Variants in RABGEF1 observed in about 807,000 individuals in gnomAD.
RABGEF1 encodes RAB guanine nucleotide exchange factor 1, also known as rab5 GDP/GTP exchange factor.
In RABGEF1, 26 loss-of-function variants were observed where a neutral mutation model predicts 57.3. That is an observed-to-expected ratio of 0.45 (90% CI 0.33 to 0.63). The LOEUF (loss-of-function observed/expected upper bound fraction) is 0.63, where lower values mean the gene tolerates loss of function less well. Ranked by LOEUF, RABGEF1 falls within the 20% of genes least tolerant of loss-of-function variation. The pLI, the probability that RABGEF1 is intolerant of heterozygous loss-of-function variation, is 0.02. For synonymous variants in RABGEF1, 185 were observed against 210.7 expected (o/e 0.88, Z 1.06); for missense variants, 464 against 607.6 (o/e 0.76, Z 2.48).
At chr7:66,803,063 T>A in intron 7 of RABGEF1, among the ~76,000 whole-genome samples, 1 of 152,108 alleles carries the variant, frequency 6.6e-6, no homozygotes. Flanking sequence ...AAGTTCCATA[T>A]AAGTAGAAAA....
At chr7:66,687,549 T>A (rs1001978117) in intron 1 of RABGEF1, among the ~76,000 whole-genome samples, 3 of 151,162 alleles carry the variant, frequency 2.0e-5, no homozygotes, top group African/African-American at 7.3e-5. Context: ...AGTGGTGGCA[T>A]GTTCCTGCAG....
the RABGEF1 span, among the ~76,000 whole-genome samples, chr7:66,655,328 G>A: frequency 6.6e-6 from 1 of 152,158 alleles, no homozygotes; most frequent in Non-Finnish European, 1.5e-5. Flanking sequence ...CTGCCGCTTT[G>A]GAGGCTAGGT....
upstream of RABGEF1, among the ~76,000 whole-genome samples, chr7:66,679,430 T>C (rs1367345129): frequency 6.6e-6 from 1 of 152,164 alleles, no homozygotes; most frequent in Non-Finnish European, 1.5e-5. Flanking sequence ...CACTTTGGCC[T>C]CCAGAGTAGC....
intron 2 of RABGEF1, among the ~76,000 whole-genome samples, chr7:66,734,160 C>T (rs1040529465): frequency 2.6e-5 from 4 of 152,164 alleles, no homozygotes; most frequent in Non-Finnish European, 4.4e-5. Flanking sequence ...GAAGATTAGA[C>T]GCATTGTCAG....
At chr7:66,770,502 T>G (rs1462680366) in intron 1 of RABGEF1, 1 of 152,242 alleles carries the variant, frequency 6.6e-6, no homozygotes, top group Non-Finnish European at 1.5e-5. Context: ...CTCTTCTCTC[T>G]AGACAAGGCC....
rs115975077 is a variant in RABGEF1 at position 66,808,834 on chromosome 7, C to T, written c.1078-52C>T. 3.5e-4 allele frequency: 509 copies of T among 1,441,226 alleles called. 1 individual carries two copies. The African/African-American group carries it at 4.9e-3, about 14-fold the overall frequency. 89.3% of individuals were successfully genotyped at this position (1,441,226 alleles called of 1,614,324 possible). ...ATCAAAAGATTTTTACAAATCGACT[C>T]GAGTATGCATAGCTTTCCTAATATG... On this transcript the variant is annotated intron_variant, in intron 8 of 8. Coordinates refer to ENST00000284957, the MANE Select transcript of RABGEF1 (RefSeq NM_014504.3).
chr7:66,656,179 C>T, the RABGEF1 span, among the ~76,000 whole-genome samples: 8 of 152,120 alleles, frequency 5.3e-5, no homozygotes, highest in South Asian at 4.1e-4. Context: ...TACAGTGACA[C>T]GATCACGAGT....
chr7:66,733,233 A>G (rs1797544562), intron 2 of RABGEF1, among the ~76,000 whole-genome samples: 1 of 151,954 alleles, frequency 6.6e-6, no homozygotes, highest in Non-Finnish European at 1.5e-5. Context: ...AAACATCCCC[A>G]TCTCCATGAA....
At chr7:66,754,092 TC>T (rs1302309073) in intron 1 of RABGEF1, among the ~76,000 whole-genome samples, 1 of 149,718 alleles carries the variant, frequency 6.7e-6, no homozygotes, top group African/African-American at 2.4e-5. Context: ...AACGGCTGCT[TC>T]CTGGGTTCAA....
chr7:66,658,123 G>C, the RABGEF1 span, among the ~76,000 whole-genome samples: 1 of 152,196 alleles, frequency 6.6e-6, no homozygotes, highest in East Asian at 1.9e-4. Flanking sequence ...AACAATTAAG[G>C]TTATCGTAAG....
chr7:66,661,814 C>A, the RABGEF1 span, among the ~76,000 whole-genome samples: 1 of 152,338 alleles, frequency 6.6e-6, no homozygotes, highest in South Asian at 2.1e-4. Context: ...AAAGGCACTA[C>A]ATGAAAACAA....
chr7:66,765,209 T>C (rs1004520883), intron 1 of RABGEF1, among the ~76,000 whole-genome samples: 2 of 151,068 alleles, frequency 1.3e-5, no homozygotes, highest in African/African-American at 4.9e-5. Context: ...TTCAGAAATA[T>C]TACATAGTTT....
chr7:66,769,701 C>T (rs1382652070), intron 1 of RABGEF1, among the ~76,000 whole-genome samples: 1 of 152,176 alleles, frequency 6.6e-6, no homozygotes, highest in Non-Finnish European at 1.5e-5. Context: ...CTCTACATCT[C>T]AAGTTTTATG....
intron 7 of RABGEF1, among the ~76,000 whole-genome samples, chr7:66,803,112 C>T (rs1787662310): frequency 6.6e-6 from 1 of 151,960 alleles, no homozygotes; most frequent in South Asian, 2.1e-4. Context: ...AATTATAACC[C>T]AGGATTAAAG....
At chr7:66,755,225 C>T (rs923518584) in intron 1 of RABGEF1, among the ~76,000 whole-genome samples, 14 of 152,036 alleles carry the variant, frequency 9.2e-5, no homozygotes, top group African/African-American at 3.1e-4. Flanking sequence ...ACTTGGGAGG[C>T]GGAGCTTGCA....
chr7:66,784,246 T>G (rs1810630195), intron 4 of RABGEF1, among the ~76,000 whole-genome samples: 1 of 152,368 alleles, frequency 6.6e-6, no homozygotes, highest in African/African-American at 2.4e-5. Flanking sequence ...ATTTTGATTT[T>G]GAATTTTTTC....
intron 1 of RABGEF1, among the ~76,000 whole-genome samples, chr7:66,708,278 T>G (rs1022983859): frequency 4.6e-5 from 7 of 151,968 alleles, no homozygotes; most frequent in Admixed American, 3.9e-4. Context: ...AGTTTGGGTT[T>G]TTTTTTTTTC....
At chr7:66,695,169 G>A (rs1259744026) in intron 1 of RABGEF1, among the ~76,000 whole-genome samples, 2 of 152,070 alleles carry the variant, frequency 1.3e-5, no homozygotes, top group East Asian at 3.9e-4. Context: ...AAGATAAGCC[G>A]GGCACGGTGG....
intron 1 of RABGEF1, among the ~76,000 whole-genome samples, chr7:66,705,059 A>C (rs534109053): frequency 5.9e-4 from 89 of 152,118 alleles, no homozygotes; most frequent in African/African-American, 2.1e-3. Context: ...TGTAAATGGG[A>C]ATGTATTTTT....
Sources: gnomAD v4.1 joint callset for allele counts (sites outside exome capture counted in the v4.1 genomes callset) on GRCh38, gnomAD v4.1.1 for gene constraint, MANE v1.5 for transcripts, NCBI Gene and HGNC (gene_info 2026-07-23, HGNC 2026-07-21) for gene names.